The following UNC13C variants were observed in gnomAD, a reference collection of about 807,000 sequenced individuals.
UNC13C encodes the protein unc-13 homolog C.
UNC13C carries 174 observed loss-of-function variants against 245.4 expected under a neutral mutation model. The ratio of observed to expected loss-of-function variants is 0.71; its 90% CI spans 0.63 to 0.80. The LOEUF (loss-of-function observed/expected upper bound fraction) is 0.80, where lower values mean the gene tolerates loss of function less well. UNC13C is among the 30% of genes least tolerant of loss of function. The probability of loss-of-function intolerance (pLI) is 0.00; values close to 1 mark genes in which losing one functional copy is unlikely to be tolerated. For missense variants in UNC13C, 2,829 were observed against 2,602.9 expected, an observed-to-expected ratio of 1.09 and a Z score of -1.89; for synonymous variants, 992 against 895.1, an observed-to-expected ratio of 1.11 and a Z score of -1.93.
chr15:54,322,034 C>A lies in UNC13C; in HGVS notation c.4364C>A (p.Thr1455Lys). The A allele has an allele frequency of 6.3e-7, 1 of 1,590,990 alleles. No homozygotes were observed. Among genetic ancestry groups the A allele is most frequent in the Non-Finnish European group, 8.6e-7 (1 of 1,167,438 alleles). ...LANINAFYAH[T>K]TVSTNIQVSA... ...AATATAAATGCTTTTTATGCTCACA[C>A]AACAGTTTCAACAAACATACAGGTT... Residue 1455 changes from threonine to lysine, a missense_variant, in exon 14 of 33, where the codon ACA (threonine) becomes AAA (lysine). Transcript: ENST00000260323.
the UNC13C span, among the ~76,000 whole-genome samples, chr15:53,970,294 C>A: frequency 2.6e-5 from 4 of 152,298 alleles, no homozygotes; most frequent in South Asian, 8.3e-4. Flanking sequence ...GTCTCAAACT[C>A]CTTATCTCAG....
intron 2 of UNC13C, among the ~76,000 whole-genome samples, chr15:54,077,379 T>TTTC (rs1555412043): frequency 1.0e-4 from 12 of 119,598 alleles, no homozygotes; most frequent in East Asian, 2.4e-4. Context: ...TTCTTTTCTT[T>TTTC]TTTTTTTTTT....
At chr15:54,238,941 C>T (rs1445714049) in intron 7 of UNC13C, among the ~76,000 whole-genome samples, 2 of 152,158 alleles carry the variant, frequency 1.3e-5, no homozygotes, top group East Asian at 1.9e-4. Context: ...TAATTGGCTT[C>T]AGGTGTAGTT....
the UNC13C span, among the ~76,000 whole-genome samples, chr15:53,945,146 A>G: frequency 0.062 from 9,363 of 152,152 alleles, 585 homozygotes; most frequent in African/African-American, 0.16. Context: ...GATGCTGGAT[A>G]TTAGTCCTTT....
chr15:54,122,094 C>A, intron 2 of UNC13C, among the ~76,000 whole-genome samples: 1 of 151,422 alleles, frequency 6.6e-6, no homozygotes, highest in East Asian at 1.9e-4. Flanking sequence ...GGCAGCTAGT[C>A]TGTAAATTAT....
chr15:54,510,736 ACT>A (rs1486578311), intron 23 of UNC13C, among the ~76,000 whole-genome samples: 6 of 151,682 alleles, frequency 4.0e-5, no homozygotes, highest in Non-Finnish European at 8.8e-5. Flanking sequence ...CCTTTGCATG[ACT>A]CTGGTTATTG....
At chr15:54,602,879 C>A (rs1242888935) in intron 30 of UNC13C, among the ~76,000 whole-genome samples, 1 of 9,452 alleles carries the variant, frequency 1.1e-4, no homozygotes, top group African/African-American at 4.0e-3. Flanking sequence ...TTTTAAAGTC[C>A]CTTTCAGTGT....
At chr15:54,174,700 C>T (rs1047433475) in intron 4 of UNC13C, among the ~76,000 whole-genome samples, 1 of 152,140 alleles carries the variant, frequency 6.6e-6, no homozygotes, top group Non-Finnish European at 1.5e-5. Context: ...TATAATAACT[C>T]CAACAGCCCC....
intron 17 of UNC13C, among the ~76,000 whole-genome samples, chr15:54,342,947 C>G (rs1360536146): frequency 6.6e-6 from 1 of 152,110 alleles, no homozygotes; most frequent in African/African-American, 2.4e-5. Context: ...TTTCTAGGAG[C>G]TAAATTGGTG....
intron 10 of UNC13C, among the ~76,000 whole-genome samples, chr15:54,290,526 A>G (rs1328061600): frequency 6.6e-6 from 1 of 152,136 alleles, no homozygotes; most frequent in Non-Finnish European, 1.5e-5. Context: ...ATCTATTGGT[A>G]TCCCATTTAT....
At chr15:53,951,204 C>G in the UNC13C span, among the ~76,000 whole-genome samples, 3 of 152,160 alleles carry the variant, frequency 2.0e-5, no homozygotes, top group African/African-American at 7.2e-5. Context: ...CTCAATAAAC[C>G]TACATGGCTG....
intron 4 of UNC13C, among the ~76,000 whole-genome samples, chr15:54,158,965 A>T (rs1169830424): frequency 1.3e-5 from 2 of 152,110 alleles, no homozygotes; most frequent in Non-Finnish European, 2.9e-5. Flanking sequence ...TAGCTTTGTT[A>T]TCTCCTCAGC....
intron 28 of UNC13C, among the ~76,000 whole-genome samples, chr15:54,550,972 C>T (rs1896710216): frequency 6.6e-6 from 1 of 152,202 alleles, no homozygotes; most frequent in African/African-American, 2.4e-5. Flanking sequence ...TGCATCTCCC[C>T]AGGCTTCAGT....
At chr15:54,406,810 G>A (rs1209402383) in intron 18 of UNC13C, among the ~76,000 whole-genome samples, 1 of 152,108 alleles carries the variant, frequency 6.6e-6, no homozygotes, top group Non-Finnish European at 1.5e-5. Flanking sequence ...TGCTAATTCT[G>A]CCTTGAATAC....
intron 32 of UNC13C, among the ~76,000 whole-genome samples, chr15:54,624,582 G>T (rs1256156542): frequency 6.6e-6 from 1 of 152,126 alleles, no homozygotes; most frequent in Non-Finnish European, 1.5e-5. Flanking sequence ...ATGAACAGAT[G>T]AGATTTACAT....
At chr15:54,263,179 T>A (rs1414400167) in intron 8 of UNC13C, among the ~76,000 whole-genome samples, 1 of 152,206 alleles carries the variant, frequency 6.6e-6, no homozygotes, top group African/African-American at 2.4e-5. Flanking sequence ...TTACTACCTA[T>A]GAACACAAGT....
rs112020160 is a variant in UNC13C at position 54,490,658 on chromosome 15, CT to C, written c.4934-3936del. On this transcript the variant is annotated intron_variant, in intron 19 of 32. Transcript: ENST00000260323. ...ATTGCAAGGGACAGGGATTGGGAAACTTTTTTTTTTTTTTAATGGCATGGCA... is the reference window on the plus strand; with the variant it reads ...ATTGCAAGGGACAGGGATTGGGAAACTTTTTTTTTTTTTAATGGCATGGCA... Among the ~76,000 whole-genome samples the C allele has an allele frequency of 8.9e-3, 1,259 of 141,440 alleles. 1 individual carries two copies. Among genetic ancestry groups the C allele is most frequent in the Middle Eastern group, 0.015 (4 of 272 alleles). The allele number at this position is 141,440 out of a possible 152,430, so 92.8% of individuals were successfully genotyped here.
At chr15:54,184,833 C>G (rs528224554) in intron 4 of UNC13C, among the ~76,000 whole-genome samples, 1 of 152,100 alleles carries the variant, frequency 6.6e-6, no homozygotes, top group Non-Finnish European at 1.5e-5. Context: ...GATCCCTGAG[C>G]AATTGCCACA....
At chr15:54,591,101 C>T (rs971415541) in intron 30 of UNC13C, among the ~76,000 whole-genome samples, 3 of 152,222 alleles carry the variant, frequency 2.0e-5, no homozygotes, top group Admixed American at 2.0e-4. Flanking sequence ...CATTTTTTGA[C>T]TTGTGTATGT....
Sources: allele counts gnomAD v4.1 joint callset (sites outside exome capture counted in the v4.1 genomes callset), GRCh38; gene constraint gnomAD v4.1.1; transcripts MANE v1.5; gene names NCBI Gene and HGNC (gene_info 2026-07-23, HGNC 2026-07-21).